Variants in CAMK2D observed in about 807,000 individuals in gnomAD.
CAMK2D encodes calcium/calmodulin dependent protein kinase II delta, also known as calcium/calmodulin-dependent protein kinase type II subunit delta.
In CAMK2D, 37 loss-of-function variants were observed where a neutral mutation model predicts 84.0. That is an observed-to-expected ratio of 0.44 (90% CI 0.34 to 0.58). The LOEUF (loss-of-function observed/expected upper bound fraction) is 0.58. Among genes scored for constraint, CAMK2D ranks in the 20% least tolerant of loss-of-function variants. The pLI is 0.02. For synonymous variants in CAMK2D, 202 were observed against 212.5 expected, an observed-to-expected ratio of 0.95 and a Z score of 0.43; for missense variants, 448 against 652.5, an observed-to-expected ratio of 0.69 and a Z score of 3.41.
At chr4:113,483,652 C>T (rs998549426) in intron 16 of CAMK2D, among the ~76,000 whole-genome samples, 6 of 152,108 alleles carry the variant, frequency 3.9e-5, no homozygotes, top group African/African-American at 1.2e-4. Context: ...GTGATCCACC[C>T]GCCTCAGCCT....
chr4:113,625,556 A>T (rs908792978), intron 3 of CAMK2D, among the ~76,000 whole-genome samples: 1 of 152,194 alleles, frequency 6.6e-6, no homozygotes, highest in Non-Finnish European at 1.5e-5. Flanking sequence ...AGACAAAAGC[A>T]AATACAAAGA....
At chr4:113,584,160 T>C (rs2098823490) in intron 4 of CAMK2D, among the ~76,000 whole-genome samples, 1 of 152,216 alleles carries the variant, frequency 6.6e-6, no homozygotes, top group Non-Finnish European at 1.5e-5. Context: ...GTCACTGCAC[T>C]GAGTGGACGT....
rs138942891 is a variant in CAMK2D, at chr4:113,570,111, A to C, written c.276-18015T>G. Among the ~76,000 whole-genome samples, 163 of 152,290 alleles carry C rather than the reference A, an allele frequency of 1.1e-3. 5 individuals carry two copies. The East Asian group carries it at 0.028, about 26-fold the overall frequency. ...CATTGAATTCTATAAAACATTGATA[A>C]AAGAAATTGAAGACAACACAAATAA... is the stretch of plus-strand genomic sequence containing the variant. On this transcript the variant is annotated intron_variant, in intron 4 of 20. Transcript: ENST00000511664.
rs564179934 is a variant in CAMK2D, at chr4:113,608,106, C to G, written c.275+1046G>C. Among the ~76,000 whole-genome samples the G allele has an allele frequency of 2.0e-5, 3 of 152,248 alleles. No individual in the cohort carries two copies. In the East Asian group the frequency reaches 5.8e-4, roughly 29 times the overall value. On this transcript the variant is annotated intron_variant, in intron 4 of 20. Transcript: ENST00000511664. ...AGAATTTGGATTACCCTTTTTCTGC[C>G]TTTGGAAGTCACTGTGATAACTGAA...
intron 2 of CAMK2D, among the ~76,000 whole-genome samples, chr4:113,713,863 T>C (rs1393013082): frequency 6.6e-6 from 1 of 151,880 alleles, no homozygotes; most frequent in Non-Finnish European, 1.5e-5. Context: ...ATATTCTTTC[T>C]TCATGGTAAT....
intron 2 of CAMK2D, among the ~76,000 whole-genome samples, chr4:113,665,232 TGG>T (rs2099252873): frequency 1.3e-5 from 2 of 152,362 alleles, no homozygotes; most frequent in South Asian, 4.1e-4. Flanking sequence ...ACTCTCCCAC[TGG>T]GACATGTTTT....
intron 2 of CAMK2D, among the ~76,000 whole-genome samples, chr4:113,684,669 G>C (rs1287266981): frequency 6.6e-6 from 1 of 152,102 alleles, no homozygotes; most frequent in Non-Finnish European, 1.5e-5. Flanking sequence ...TTTCTGCCCA[G>C]AAAGTCTCAG....
intron 3 of CAMK2D, among the ~76,000 whole-genome samples, chr4:113,657,703 T>C (rs1284340464): frequency 6.6e-6 from 1 of 152,148 alleles, no homozygotes; most frequent in Non-Finnish European, 1.5e-5. Flanking sequence ...CATTTTTAGT[T>C]GGTTTAAAAT....
At chr4:113,629,303 C>T (rs780542924) in intron 3 of CAMK2D, among the ~76,000 whole-genome samples, 5 of 151,994 alleles carry the variant, frequency 3.3e-5, no homozygotes, top group Non-Finnish European at 7.4e-5. Context: ...TCTGAGCAAC[C>T]ATTTTTGCCA....
chr4:113,495,579 A>G (rs1186121235), intron 16 of CAMK2D, among the ~76,000 whole-genome samples: 2 of 152,228 alleles, frequency 1.3e-5, no homozygotes, highest in East Asian at 1.9e-4. Flanking sequence ...AAGTGATTCT[A>G]TAAATTAGCT....
chr4:113,558,526 T>C (rs908933706), intron 4 of CAMK2D, among the ~76,000 whole-genome samples: 9 of 149,024 alleles, frequency 6.0e-5, no homozygotes, highest in African/African-American at 2.3e-4. Context: ...AGGATGTGCA[T>C]AGGTTATAGG....
chr4:113,532,888 CAG>C (rs1463680134), intron 7 of CAMK2D, among the ~76,000 whole-genome samples: 1 of 151,836 alleles, frequency 6.6e-6, no homozygotes, highest in Non-Finnish European at 1.5e-5. Flanking sequence ...TCTTTTCTAA[CAG>C]AGAGTGGCTC....
chr4:113,611,157 GTTGCCAATATCA>G (rs1249883286), intron 3 of CAMK2D, among the ~76,000 whole-genome samples: 1 of 151,882 alleles, frequency 6.6e-6, no homozygotes, highest in African/African-American at 2.4e-5. Flanking sequence ...TATTCTTCAC[GTTGCCAATATCA>G]GAGATGCCTG....
At chr4:113,501,093 A>G (rs1039008182) in intron 15 of CAMK2D, among the ~76,000 whole-genome samples, 13 of 152,104 alleles carry the variant, frequency 8.5e-5, no homozygotes, top group African/African-American at 2.9e-4. Flanking sequence ...GTTTGTCCTC[A>G]GCACAATGGA....
intron 2 of CAMK2D, among the ~76,000 whole-genome samples, chr4:113,749,939 C>A (rs1395782003): frequency 6.6e-6 from 1 of 152,196 alleles, no homozygotes; most frequent in Non-Finnish European, 1.5e-5. Context: ...ATAAGTTTCT[C>A]TTTGAAGCAT....
At chr4:113,569,081 C>T (rs1341768244) in intron 4 of CAMK2D, among the ~76,000 whole-genome samples, 4 of 152,036 alleles carry the variant, frequency 2.6e-5, no homozygotes, top group Non-Finnish European at 4.4e-5. Context: ...CAGGGTCTTG[C>T]TATGTTTCCC....
intron 3 of CAMK2D, among the ~76,000 whole-genome samples, chr4:113,616,542 AG>A (rs1272193291): frequency 6.6e-6 from 1 of 152,212 alleles, no homozygotes; most frequent in Admixed American, 6.5e-5. Context: ...GGGTCAAAAT[AG>A]TTATTACCTG....
intron 3 of CAMK2D, among the ~76,000 whole-genome samples, chr4:113,638,030 T>C (rs2099116870): frequency 6.6e-6 from 1 of 152,190 alleles, no homozygotes; most frequent in African/African-American, 2.4e-5. Flanking sequence ...ACACATCCAC[T>C]CATCTCTTAG....
At chr4:113,573,910 G>T (rs2098767097) in intron 4 of CAMK2D, among the ~76,000 whole-genome samples, 1 of 152,088 alleles carries the variant, frequency 6.6e-6, no homozygotes, top group African/African-American at 2.4e-5. Context: ...GCCCATAAGT[G>T]AGAGTCTCTC....
Sources: gnomAD v4.1 joint callset for allele counts (sites outside exome capture counted in the v4.1 genomes callset) on GRCh38, gnomAD v4.1.1 for gene constraint, MANE v1.5 for transcripts, NCBI Gene and HGNC (gene_info 2026-07-23, HGNC 2026-07-21) for gene names.